GRIK3: variants seen among roughly 807,000 people sequenced by gnomAD.
The protein encoded by GRIK3 is glutamate ionotropic receptor kainate type subunit 3, also known as glutamate receptor ionotropic, kainate 3.
GRIK3 carries 29 observed loss-of-function variants against 102.5 expected under a neutral mutation model. The ratio of observed to expected loss-of-function variants is 0.28; its 90% CI spans 0.21 to 0.39. The LOEUF is 0.39. Ranked by LOEUF, GRIK3 falls within the 10% of genes least tolerant of loss-of-function variation. GRIK3 has a pLI of 1.00. For synonymous variants in GRIK3, 511 were observed against 504.9 expected (o/e 1.01, Z -0.16); for missense variants, 908 against 1,252.4 (o/e 0.73, Z 4.15).
At chr1:36,862,159 C>T (rs889160765) in intron 5 of GRIK3, among the ~76,000 whole-genome samples, 2 of 152,188 alleles carry the variant, frequency 1.3e-5, no homozygotes, top group Non-Finnish European at 1.5e-5. Flanking sequence ...CTGGCTCACA[C>T]TGGCCAGTGG....
At chr1:36,890,793 CA>C in intron 2 of GRIK3, 126 bp downstream of exon 2, 1 of 669,630 alleles carries the variant, frequency 1.5e-6, no homozygotes, top group South Asian at 3.1e-5. Context: ...GCTCCAAGCC[CA>C]AACCAGGTAG....
intron 10 of GRIK3, among the ~76,000 whole-genome samples, chr1:36,838,524 T>C (rs1033529608): frequency 2.0e-5 from 3 of 152,132 alleles, no homozygotes; most frequent in Admixed American, 6.5e-5. Context: ...CAGGCGAGTG[T>C]GTCAGCAGAA....
chr1:36,965,477 T>C (rs1356365332), intron 1 of GRIK3, among the ~76,000 whole-genome samples: 1 of 152,138 alleles, frequency 6.6e-6, no homozygotes, highest in Non-Finnish European at 1.5e-5. Flanking sequence ...GGAGCTCACA[T>C]GGACTTGTTT....
At chr1:36,838,865 A>C (rs1640414781) in intron 10 of GRIK3, among the ~76,000 whole-genome samples, 1 of 152,218 alleles carries the variant, frequency 6.6e-6, no homozygotes, top group African/African-American at 2.4e-5. Flanking sequence ...AGCTAGGATT[A>C]ATAGGCTCAT....
intron 10 of GRIK3, among the ~76,000 whole-genome samples, chr1:36,835,160 G>A (rs1640359509): frequency 1.3e-5 from 2 of 152,198 alleles, no homozygotes; most frequent in Non-Finnish European, 2.9e-5. Flanking sequence ...TATCAGTTGG[G>A]TCTGGGCTCA....
At chr1:36,975,563 G>C (rs1642188545) in intron 1 of GRIK3, among the ~76,000 whole-genome samples, 1 of 152,202 alleles carries the variant, frequency 6.6e-6, no homozygotes, top group African/African-American at 2.4e-5. Context: ...AAAGTGCCGG[G>C]ATTATAGGCA....
chr1:36,949,637 C>T (rs2124333676), intron 1 of GRIK3, among the ~76,000 whole-genome samples: 2 of 128,634 alleles, frequency 1.6e-5, no homozygotes, highest in African/African-American at 3.0e-5. Flanking sequence ...TGCAATAGTG[C>T]AACCTTGGCT....
At chr1:36,982,089 G>A (rs1642255959) in intron 1 of GRIK3, among the ~76,000 whole-genome samples, 1 of 152,174 alleles carries the variant, frequency 6.6e-6, no homozygotes, top group Non-Finnish European at 1.5e-5. Context: ...CACTCTTGCT[G>A]CCACAGCTCA....
intron 1 of GRIK3, among the ~76,000 whole-genome samples, chr1:36,943,651 T>C (rs953986911): frequency 2.0e-5 from 3 of 152,156 alleles, no homozygotes; most frequent in Admixed American, 6.5e-5. Flanking sequence ...AAGTAGACAA[T>C]AAATGAGCAA....
intron 1 of GRIK3, among the ~76,000 whole-genome samples, chr1:36,994,325 G>A (rs1428487204): frequency 2.6e-5 from 4 of 152,208 alleles, no homozygotes; most frequent in Non-Finnish European, 5.9e-5. Context: ...TACCTGTTAG[G>A]TAATACAGGC....
At chr1:36,831,265 G>A (rs1640290870) in intron 10 of GRIK3, among the ~76,000 whole-genome samples, 1 of 152,168 alleles carries the variant, frequency 6.6e-6, no homozygotes, top group African/African-American at 2.4e-5. Context: ...CCCTGACCAT[G>A]GGGCTTCCCG....
At position 36,805,211 on chromosome 1, in the gene GRIK3, T is replaced by C. The variant is rs762812081; in HGVS notation, c.2341A>G (p.Ile781Val). ...MGSPYRDKIT[I>V]AILQLQEEDK... is the part of the protein sequence containing the mutation. ...TCCTCCTGAAGCTGCAGGATGGCGA[T>C]GGTGATCTTGTCCCGGTATGGGGAG... The change falls in exon 15 of 16, where the codon ATC (isoleucine) becomes GTC (valine). Residue 781 changes from isoleucine to valine, a missense_variant. Physicochemically the swap from Ile to Val is conservative, Grantham distance 29. Coordinates refer to ENST00000373091, the MANE Select transcript of GRIK3 (RefSeq NM_000831.4). 1.9e-6 allele frequency: 3 copies of C among 1,613,010 alleles called. No individual in the cohort carries two copies. Among genetic ancestry groups the C allele is most frequent in the Non-Finnish European group, 2.5e-6 (3 of 1,179,422 alleles).
chr1:36,863,121 G>A (rs1217743063), intron 5 of GRIK3, among the ~76,000 whole-genome samples: 1 of 152,164 alleles, frequency 6.6e-6, no homozygotes, highest in African/African-American at 2.4e-5. Context: ...CCCCATTTTA[G>A]AGGAAAGAAC....
intron 1 of GRIK3, among the ~76,000 whole-genome samples, chr1:37,029,863 C>T (rs1217445264): frequency 1.3e-5 from 2 of 152,222 alleles, no homozygotes; most frequent in African/African-American, 4.8e-5. Flanking sequence ...CCTTTGAAAA[C>T]AGCACATGAG....
intron 1 of GRIK3, among the ~76,000 whole-genome samples, chr1:36,984,919 G>A (rs745315882): frequency 2.2e-4 from 34 of 152,210 alleles, no homozygotes; most frequent in Non-Finnish European, 4.1e-4. Flanking sequence ...GGGTGGCGGG[G>A]CCAGGCTGGA....
chr1:37,005,188 G>T (rs1481893873), intron 1 of GRIK3, among the ~76,000 whole-genome samples: 4 of 152,180 alleles, frequency 2.6e-5, no homozygotes, highest in Non-Finnish European at 5.9e-5. Context: ...TGATGGCCCT[G>T]CTTGCCTGGG....
rs190889487 is a variant in GRIK3 at position 36,850,464 on chromosome 1, G to A, written c.1213-40C>T. On this transcript the variant is annotated intron_variant, in intron 8 of 15. Transcript: ENST00000373091. This position sits in a 1 kb window ranked among gnomAD's most constrained non-coding sequence, Gnocchi z 4.0. ...ACAGAAAACAGGGTGCCGAGTCCTT[G>A]GTCTACCCATCTTCCTCCATATCGA... 4 of 1,201,724 alleles carry A rather than the reference G, an allele frequency of 3.3e-6. No homozygotes were observed. In the Admixed American group the frequency reaches 6.7e-5, roughly 20 times the overall value. The allele number at this position is 1,201,724 out of a possible 1,614,324, so 74.4% of individuals were successfully genotyped here. A position where few individuals can be genotyped will look rare whatever the true frequency, so the allele number is the denominator to read the frequency against.
intron 1 of GRIK3, among the ~76,000 whole-genome samples, chr1:36,984,046 C>T (rs1405996138): frequency 6.6e-6 from 1 of 152,010 alleles, no homozygotes. Context: ...ACAGACTAGA[C>T]TGCAACAGCA....
At chr1:37,001,866 G>A (rs1189794565) in intron 1 of GRIK3, among the ~76,000 whole-genome samples, 5 of 149,180 alleles carry the variant, frequency 3.4e-5, no homozygotes, top group Non-Finnish European at 6.0e-5. Context: ...GTGGGTGACC[G>A]GAGCTCAGTC....
Sources: gnomAD v4.1 joint callset for allele counts (sites outside exome capture counted in the v4.1 genomes callset) on GRCh38, gnomAD v4.1.1 for gene constraint, Gnocchi (gnomAD v3.1) non-coding constraint, MANE v1.5 for transcripts, NCBI Gene and HGNC (gene_info 2026-07-23, HGNC 2026-07-21) for gene names.